TTC13: variants seen among roughly 807,000 people sequenced by gnomAD.
TTC13 encodes tetratricopeptide repeat protein 13.
In TTC13, 62 loss-of-function variants were observed where a neutral mutation model predicts 120.0. The observed-to-expected ratio is 0.52, with a 90% CI of 0.42 to 0.64. The LOEUF (loss-of-function observed/expected upper bound fraction) is 0.64, where lower values mean the gene tolerates loss of function less well. Among genes scored for constraint, TTC13 ranks in the 30% least tolerant of loss-of-function variants. The pLI, the probability that TTC13 is intolerant of heterozygous loss-of-function variation, is 0.00. For missense variants in TTC13, 824 were observed against 1,050.2 expected, an observed-to-expected ratio of 0.78 and a Z score of 2.98; for synonymous variants, 384 against 393.5, an observed-to-expected ratio of 0.98 and a Z score of 0.28.
At chr1:230,962,037 C>T (rs1011242716) in intron 1 of TTC13, among the ~76,000 whole-genome samples, 1 of 151,758 alleles carries the variant, frequency 6.6e-6, no homozygotes, top group African/African-American at 2.4e-5. Flanking sequence ...ATGGCAAAAC[C>T]CTGTGTCTAC....
At chr1:230,976,257 A>C (rs1279436934) in intron 1 of TTC13, among the ~76,000 whole-genome samples, 1 of 152,154 alleles carries the variant, frequency 6.6e-6, no homozygotes. Flanking sequence ...TCTAGACCCT[A>C]ATGTTGCTCA....
intron 17 of TTC13, among the ~76,000 whole-genome samples, chr1:230,918,684 T>C (rs1194673703): frequency 1.3e-5 from 2 of 152,158 alleles, no homozygotes; most frequent in Non-Finnish European, 2.9e-5. Context: ...CTGGCCACAA[T>C]ATTTGGTCTT....
At chr1:230,943,783 G>C (rs776955358) in intron 6 of TTC13, 23 bp downstream of exon 6, 1 of 1,571,650 alleles carries the variant, frequency 6.4e-7, no homozygotes, top group Non-Finnish European at 8.6e-7. Flanking sequence ...TAATGACAGA[G>C]GGAAAAAGAA....
At chr1:230,951,292 T>C (rs1266187738) in intron 4 of TTC13, among the ~76,000 whole-genome samples, 1 of 152,098 alleles carries the variant, frequency 6.6e-6, no homozygotes, top group Non-Finnish European at 1.5e-5. Context: ...TCCAAGCCCC[T>C]GAGTCCCCAT....
intron 22 of TTC13, among the ~76,000 whole-genome samples, chr1:230,908,077 C>G (rs1327061333): frequency 6.6e-6 from 1 of 152,184 alleles, no homozygotes; most frequent in East Asian, 1.9e-4. Flanking sequence ...TCTACAAGTT[C>G]AAACACTCCT....
intron 1 of TTC13, among the ~76,000 whole-genome samples, chr1:230,966,131 T>C (rs924502427): frequency 1.3e-5 from 2 of 152,232 alleles, no homozygotes; most frequent in African/African-American, 4.8e-5. Context: ...AGCTTCACAA[T>C]AAATAAATGT....
In TTC13 at chr1:230,940,720, C is replaced by G. The variant is rs528631139; in HGVS notation, c.673-164G>C. 6.6e-6 allele frequency among the ~76,000 whole-genome samples: 1 copy of G among 152,262 alleles called. No homozygotes were observed. The highest frequency in any genetic ancestry group is 6.5e-5 in the Admixed American group (1 of 15,290). On this transcript the variant is annotated intron_variant, in intron 6 of 22. Coordinates refer to ENST00000366661, the MANE Select transcript of TTC13 (RefSeq NM_024525.5). The surrounding 1 kb of genome is among the most constrained non-coding windows in gnomAD (Gnocchi z 4.1). ...ATTATGCGGTGGGGTTCAAAGTCAA[C>G]CAGCTGAGGTGCCACTAATCTTTGT...
chr1:230,939,379 C>T lies in TTC13; in HGVS notation c.900+7G>A, dbSNP rs752930883. The T allele has an allele frequency of 1.3e-6, 2 of 1,589,520 alleles. No homozygotes were observed. Among genetic ancestry groups the T allele is most frequent in the Non-Finnish European group, 1.7e-6 (2 of 1,159,520 alleles). ...TCATATGGTACACATATGCACAACA[C>T]TTTCACCTTCAGAAGTCCTCTGTGA... On this transcript the variant is annotated splice_region_variant and intron_variant, in intron 8 of 22. Coordinates refer to ENST00000366661, the MANE Select transcript of TTC13 (RefSeq NM_024525.5).
intron 1 of TTC13, among the ~76,000 whole-genome samples, chr1:230,967,216 CTGAT>C (rs1677212381): frequency 6.6e-6 from 1 of 152,020 alleles, no homozygotes; most frequent in African/African-American, 2.4e-5. Flanking sequence ...AATAACGCCA[CTGAT>C]TAACAGGCAC....
chr1:230,928,890 C>G, intron 12 of TTC13, 47 bp downstream of exon 12: 1 of 1,598,444 alleles, frequency 6.3e-7, no homozygotes, highest in Non-Finnish European at 8.5e-7. Context: ...GCTTATAGCT[C>G]AGTTTTGAGA....
In TTC13 at chr1:230,978,363, G is replaced by A. The variant is rs1343197199; in HGVS notation, c.271+197C>T. On this transcript the variant is annotated intron_variant, in intron 1 of 22. Coordinates refer to ENST00000366661, the MANE Select transcript of TTC13 (RefSeq NM_024525.5). The surrounding 1 kb of genome is among the most constrained non-coding windows in gnomAD (Gnocchi z 5.6). ...CGACTCGCCGCCCTGCCCAAAGGCG[G>A]CTGCAGGAGGGCGCGCGGCGGCGTG... is the stretch of plus-strand genomic sequence containing the variant. Among the ~76,000 whole-genome samples the A allele has an allele frequency of 2.0e-5, 3 of 152,066 alleles. No individual in the cohort carries two copies. Among genetic ancestry groups the A allele is most frequent in the East Asian group, 1.9e-4 (1 of 5,182 alleles).
chr1:230,963,387 C>T (rs1024157085), intron 1 of TTC13, among the ~76,000 whole-genome samples: 4 of 151,584 alleles, frequency 2.6e-5, no homozygotes, highest in African/African-American at 7.3e-5. Context: ...ACCTGCAATC[C>T]CAGGACTTTG....
Position 230,931,488 on chromosome 1 carries a change from T to C in TTC13, c.1126-16A>G. ...GCAGACACCGCTGAGGACAAAATGC[T>C]GCATTAGTATCAACACAGTTTAGGA... On this transcript the variant is annotated splice_polypyrimidine_tract_variant and intron_variant, in intron 10 of 22. Transcript: ENST00000366661. 3.1e-6 allele frequency: 5 copies of C among 1,612,310 alleles called. No homozygotes were observed. Among genetic ancestry groups the C allele is most frequent in the Non-Finnish European group, 4.2e-6 (5 of 1,179,308 alleles).
chr1:230,936,041 T>C, intron 8 of TTC13: 1 of 374,414 alleles, frequency 2.7e-6, no homozygotes, highest in South Asian at 2.0e-5. Context: ...AAAGGGCAGC[T>C]GCAGGTGGGG....
intron 20 of TTC13, among the ~76,000 whole-genome samples, chr1:230,909,778 G>C (rs1277001081): frequency 3.9e-5 from 6 of 152,244 alleles, no homozygotes; most frequent in African/African-American, 1.4e-4. Flanking sequence ...GCTCCAAGGT[G>C]GCTGTTAGAG....
chr1:230,970,918 T>C (rs1677667708), intron 1 of TTC13, among the ~76,000 whole-genome samples: 1 of 152,200 alleles, frequency 6.6e-6, no homozygotes, highest in Non-Finnish European at 1.5e-5. Flanking sequence ...TTGACAATCC[T>C]AACCCCAGGT....
intron 3 of TTC13, among the ~76,000 whole-genome samples, chr1:230,957,798 C>A (rs1318068345): frequency 1.3e-5 from 2 of 151,700 alleles, no homozygotes; most frequent in Non-Finnish European, 1.5e-5. Flanking sequence ...CATTCTTAGG[C>A]CCAAAAATAA....
chr1:230,972,251 C>T (rs1265057926), intron 1 of TTC13, among the ~76,000 whole-genome samples: 7 of 152,228 alleles, frequency 4.6e-5, no homozygotes, highest in Non-Finnish European at 1.0e-4. Flanking sequence ...ATGAGACTAT[C>T]GGCAATCTTA....
intron 20 of TTC13, 70 bp from the exon 21 acceptor site, chr1:230,909,090 G>A: frequency 1.2e-5 from 15 of 1,220,258 alleles, no homozygotes; most frequent in South Asian, 9.9e-5. Flanking sequence ...ATTTCACCAT[G>A]GACTTCCCAT....
Sources: allele counts gnomAD v4.1 joint callset (sites outside exome capture counted in the v4.1 genomes callset), GRCh38; gene constraint gnomAD v4.1.1; non-coding constraint Gnocchi (gnomAD v3.1); transcripts MANE v1.5; gene names NCBI Gene and HGNC (gene_info 2026-07-23, HGNC 2026-07-21).